Variants in SHPRH observed in about 807,000 individuals in gnomAD.
The protein encoded by SHPRH is E3 ubiquitin-protein ligase SHPRH.
In SHPRH, 106 loss-of-function variants were observed where a neutral mutation model predicts 202.5. The ratio of observed to expected loss-of-function variants is 0.52; its 90% CI spans 0.45 to 0.62. The LOEUF is 0.62. Ranked by LOEUF, SHPRH falls within the 20% of genes least tolerant of loss-of-function variation. SHPRH has a pLI of 0.00. For synonymous variants in SHPRH, 729 were observed against 686.0 expected (o/e 1.06, Z -0.98); for missense variants, 1,710 against 2,020.0 (o/e 0.85, Z 2.94).
exon 3 of SHPRH, chr6:145,864,296 C>T: frequency 2.9e-6 from 1 of 343,798 alleles, no homozygotes; most frequent in Non-Finnish European, 6.1e-6. Context: ...GAATAAGCCC[C>T]ATAATTTTTA....
At chr6:145,910,772 G>T in intron 24 of SHPRH, 136 bp from the exon 25 acceptor site, 1 of 825,280 alleles carries the variant, frequency 1.2e-6, no homozygotes, top group Non-Finnish European at 1.7e-6. Flanking sequence ...GCCAAGTTGT[G>T]CCTTCAAATT....
chr6:145,957,622 A>G (rs1296878037), intron 1 of SHPRH, among the ~76,000 whole-genome samples: 1 of 152,184 alleles, frequency 6.6e-6, no homozygotes, highest in Non-Finnish European at 1.5e-5. Flanking sequence ...CAGTCATTAA[A>G]GCAATACAAA....
intron 2 of SHPRH, chr6:145,877,986 C>T (rs1351577389): frequency 6.6e-6 from 1 of 152,194 alleles, no homozygotes; most frequent in Non-Finnish European, 1.5e-5. Context: ...TGCACCCCGA[C>T]CACCTTGGGC....
intron 25 of SHPRH, among the ~76,000 whole-genome samples, chr6:145,897,449 AAACAATCATTTAAAGAAG>A (rs2128720215): frequency 6.6e-6 from 1 of 152,208 alleles, no homozygotes; most frequent in South Asian, 2.1e-4. Context: ...TGGTAAAGTT[AAACAATCATTTAAAGAAG>A]AACTAATACC....
chr6:145,906,834 C>T (rs945447704), intron 25 of SHPRH: 3 of 152,122 alleles, frequency 2.0e-5, no homozygotes, highest in Admixed American at 6.6e-5. Context: ...CATCAGTGAC[C>T]TCATTAGACA....
chr6:145,873,697 AAGGAAG>A (rs1780161057), intron 2 of SHPRH, among the ~76,000 whole-genome samples: 2 of 113,104 alleles, frequency 1.8e-5, no homozygotes, highest in Non-Finnish European at 3.3e-5. Context: ...TTGCTAGAGG[AAGGAAG>A]GAAGGAAGGA....
chr6:145,870,537 C>T (rs1202165206), intron 2 of SHPRH, among the ~76,000 whole-genome samples: 3 of 152,190 alleles, frequency 2.0e-5, no homozygotes, highest in Non-Finnish European at 4.4e-5. Context: ...GCTGGGATTA[C>T]AGGCTTGAGC....
chr6:145,898,346 A>T (rs1295473481), intron 25 of SHPRH, among the ~76,000 whole-genome samples: 1 of 152,156 alleles, frequency 6.6e-6, no homozygotes, highest in Non-Finnish European at 1.5e-5. Context: ...GAGAACACAA[A>T]TGGAAAGACA....
At chr6:145,901,881 T>C (rs1359946536) in intron 25 of SHPRH, among the ~76,000 whole-genome samples, 2 of 152,048 alleles carry the variant, frequency 1.3e-5, no homozygotes, top group Non-Finnish European at 2.9e-5. Flanking sequence ...TTCTGAAACA[T>C]TAATGACCAA....
rs761932503 is a variant in SHPRH, at chr6:145,913,546, G to C, written c.4258C>G (p.Gln1420Glu). The stretch of plus-strand genomic sequence containing the variant: ...TTAACACCTCCCGATGTTTTATCTT[G>C]AGACTATCCAAAAAAGAATTAAAAA... ...LLYLTNLEKS[Q>E]DKTSGGVNPE... is the part of the protein sequence containing the mutation. The change falls in exon 24 of 30, where the codon CAA becomes GAA. Residue 1420 changes from glutamine (Q) to glutamate (E), a missense_variant. Transcript: ENST00000275233. The C allele has an allele frequency of 3.7e-6, 6 of 1,604,824 alleles. No homozygotes were observed. The highest frequency in any genetic ancestry group is 1.7e-5 in the Admixed American group (1 of 58,390).
chr6:145,927,039 C>A, intron 15 of SHPRH, 150 bp downstream of exon 15: 1 of 684,744 alleles, frequency 1.5e-6, no homozygotes, highest in Non-Finnish European at 2.5e-6. Context: ...ACATACAAAT[C>A]ATCTAAAATG....
chr6:145,908,772 T>C (rs565823613), intron 25 of SHPRH: 1 of 152,280 alleles, frequency 6.6e-6, no homozygotes, highest in South Asian at 2.1e-4. Flanking sequence ...CCTTTGTCAA[T>C]TTTGGCTTTT....
At chr6:145,929,433 G>C (rs1785208711) in intron 14 of SHPRH, among the ~76,000 whole-genome samples, 1 of 151,956 alleles carries the variant, frequency 6.6e-6, no homozygotes, top group African/African-American at 2.4e-5. Context: ...AATCTTTTTA[G>C]AGTTTGAAAT....
chr6:145,892,711 C>A (rs908846387), intron 28 of SHPRH, among the ~76,000 whole-genome samples: 3 of 151,862 alleles, frequency 2.0e-5, no homozygotes, highest in Non-Finnish European at 4.4e-5. Context: ...TTGCTTTGGG[C>A]CTTAAACTGA....
chr6:145,932,932 T>C, intron 14 of SHPRH, 125 bp downstream of exon 14: 1 of 1,071,442 alleles, frequency 9.3e-7, no homozygotes. Context: ...CTATATTCAG[T>C]AGTGTGTGAG....
chr6:145,870,226 G>A (rs2128690007), intron 2 of SHPRH, among the ~76,000 whole-genome samples: 1 of 147,510 alleles, frequency 6.8e-6, no homozygotes, highest in East Asian at 2.0e-4. Flanking sequence ...TCTCTTATTA[G>A]TTCCAGAAGG....
At chr6:145,928,970 A>G (rs1470420548) in intron 14 of SHPRH, among the ~76,000 whole-genome samples, 1 of 151,920 alleles carries the variant, frequency 6.6e-6, no homozygotes, top group East Asian at 1.9e-4. Context: ...TTCAAAGGAC[A>G]TTATGAATTC....
At chr6:145,891,914 G>C (rs1186142751) in intron 28 of SHPRH, among the ~76,000 whole-genome samples, 3 of 152,078 alleles carry the variant, frequency 2.0e-5, no homozygotes, top group African/African-American at 7.2e-5. Flanking sequence ...AAACACAGAA[G>C]AAAACCAACA....
At chr6:145,958,436 G>T (rs1209125518) in intron 1 of SHPRH, among the ~76,000 whole-genome samples, 2 of 152,000 alleles carry the variant, frequency 1.3e-5, no homozygotes, top group Non-Finnish European at 2.9e-5. Context: ...ATAAAATTTT[G>T]CTAACAAAAT....
Sources: gnomAD v4.1 joint callset for allele counts (sites outside exome capture counted in the v4.1 genomes callset) on GRCh38, gnomAD v4.1.1 for gene constraint, MANE v1.5 for transcripts, NCBI Gene and HGNC (gene_info 2026-07-23, HGNC 2026-07-21) for gene names.